KDM2A: variants seen among roughly 807,000 people sequenced by gnomAD.
KDM2A encodes the protein lysine-specific demethylase 2A.
KDM2A carries 3 observed loss-of-function variants against 137.3 expected under a neutral mutation model. The observed-to-expected ratio is 0.02, with a 90% CI of 0.01 to 0.06. The LOEUF is 0.06. Ranked by LOEUF, KDM2A falls within the 10% of genes least tolerant of loss-of-function variation. The probability of loss-of-function intolerance (pLI) is 1.00; values close to 1 mark genes in which losing one functional copy is unlikely to be tolerated. For missense variants in KDM2A, 738 were observed against 1,510.6 expected, an observed-to-expected ratio of 0.49 and a Z score of 8.48; for synonymous variants, 512 against 541.5, an observed-to-expected ratio of 0.95 and a Z score of 0.76.
At chr11:67,169,266 C>G (rs866470714) in intron 2 of KDM2A, among the ~76,000 whole-genome samples, 1 of 151,380 alleles carries the variant, frequency 6.6e-6, no homozygotes, top group Non-Finnish European at 1.5e-5. Flanking sequence ...ATCCATGTAG[C>G]TTTATATAAC....
intron 5 of KDM2A, among the ~76,000 whole-genome samples, chr11:67,204,324 C>G (rs1004692175): frequency 3.3e-5 from 5 of 152,088 alleles, no homozygotes; most frequent in African/African-American, 1.2e-4. Flanking sequence ...CCCAAACAAA[C>G]TCCATACCTT....
At chr11:67,248,395 A>G in intron 16 of KDM2A, 25 bp downstream of exon 16, 1 of 1,525,716 alleles carries the variant, frequency 6.6e-7, no homozygotes. Context: ...TCAGATTTGC[A>G]CTGTGACAGA....
chr11:67,189,558 G>T (rs1857295069), intron 5 of KDM2A, among the ~76,000 whole-genome samples: 1 of 152,052 alleles, frequency 6.6e-6, no homozygotes, highest in Non-Finnish European at 1.5e-5. Flanking sequence ...ACCTTATCTC[G>T]GCCGGGCGAG....
chr11:67,244,945 C>T, intron 13 of KDM2A: 1 of 440,584 alleles, frequency 2.3e-6, no homozygotes. Context: ...GAGATCATGC[C>T]ACTGTATTCC....
intron 5 of KDM2A, among the ~76,000 whole-genome samples, chr11:67,187,580 A>G (rs1300398610): frequency 6.6e-6 from 1 of 151,024 alleles, no homozygotes; most frequent in Non-Finnish European, 1.5e-5. Context: ...TTATTTATTT[A>G]TTTATTTATT....
intron 12 of KDM2A, among the ~76,000 whole-genome samples, chr11:67,233,381 C>T (rs1232504649): frequency 2.8e-5 from 4 of 143,526 alleles, no homozygotes; most frequent in Non-Finnish European, 6.1e-5. Flanking sequence ...AGGCTCAGTG[C>T]GATGTCTCAT....
intron 10 of KDM2A, among the ~76,000 whole-genome samples, chr11:67,226,256 C>CA (rs1241856313): frequency 2.5e-4 from 37 of 146,500 alleles, no homozygotes; most frequent in Non-Finnish European, 3.8e-4. Flanking sequence ...GATTCCATCT[C>CA]AAAAAAAAAA....
intron 12 of KDM2A, among the ~76,000 whole-genome samples, chr11:67,241,751 G>A (rs1859049022): frequency 6.6e-6 from 1 of 152,144 alleles, no homozygotes; most frequent in Admixed American, 6.5e-5. Flanking sequence ...TAGAAGATTT[G>A]GGTTTCAGGA....
chr11:67,171,051 T>A (rs1264796145), intron 2 of KDM2A, among the ~76,000 whole-genome samples: 3 of 152,214 alleles, frequency 2.0e-5, no homozygotes, highest in Non-Finnish European at 4.4e-5. Context: ...TTTAAATATA[T>A]TAATACATGC....
At chr11:67,126,819 G>A (rs1855742722) in intron 2 of KDM2A, among the ~76,000 whole-genome samples, 1 of 151,608 alleles carries the variant, frequency 6.6e-6, no homozygotes, top group Admixed American at 6.6e-5. Flanking sequence ...TGGAATATAA[G>A]CTACACTTTC....
At chr11:67,205,524 C>T (rs913718016) in intron 5 of KDM2A, among the ~76,000 whole-genome samples, 3 of 151,986 alleles carry the variant, frequency 2.0e-5, no homozygotes, top group African/African-American at 7.3e-5. Flanking sequence ...ACCTCCTGGG[C>T]TCAGGTGATT....
At chr11:67,154,658 C>G (rs182089219) in intron 2 of KDM2A, among the ~76,000 whole-genome samples, 1 of 151,976 alleles carries the variant, frequency 6.6e-6, no homozygotes, top group African/African-American at 2.4e-5. Context: ...AGGCTAGTCT[C>G]GAACTCTTGG....
chr11:67,193,456 T>C (rs931642658), intron 5 of KDM2A, among the ~76,000 whole-genome samples: 11 of 152,224 alleles, frequency 7.2e-5, no homozygotes, highest in Non-Finnish European at 1.2e-4. Context: ...GTTATCACTT[T>C]CTCATAGTGA....
chr11:67,158,146 C>T lies in KDM2A; in HGVS notation c.43-21933C>T, dbSNP rs142319176. On this transcript the variant is annotated intron_variant, in intron 2 of 20. Coordinates refer to ENST00000529006, the MANE Select transcript of KDM2A (RefSeq NM_012308.3). ...ACACCAGCAACTACGGATCTTTTTG[C>T]TGTCTGTAGTTTTGCCCTTTCTAAA... Among the ~76,000 whole-genome samples, 38 of 151,858 alleles carry T rather than the reference C, an allele frequency of 2.5e-4. No individual in the cohort carries two copies. The East Asian group carries it at 6.2e-3, about 25-fold the overall frequency.
In KDM2A at chr11:67,180,126, T is replaced by C. The variant is rs779138795; in HGVS notation, c.90T>C (p.Asp30=). 12 of 1,613,878 alleles carry C rather than the reference T, an allele frequency of 7.4e-6. No homozygotes were observed. The highest frequency in any genetic ancestry group is 2.7e-5 in the African/African-American group (2 of 75,016). ...RRYEDDGISD[D]EIEGKRTFDL... The stretch of plus-strand genomic sequence containing the variant: ...ATGAAGATGATGGCATTTCAGATGA[T>C]GAAATTGAAGGAAAAAGAACTTTTG... Residue 30 remains aspartate (D), a synonymous_variant, in exon 3 of 21, where the codon GAT becomes GAC. Transcript: ENST00000529006.
chr11:67,244,848 TG>T (rs1383424116), intron 13 of KDM2A, among the ~76,000 whole-genome samples: 1 of 152,010 alleles, frequency 6.6e-6, no homozygotes, highest in East Asian at 1.9e-4. Flanking sequence ...TAGCTGGGCA[TG>T]GTGGTGGGCA....
At chr11:67,168,559 C>G (rs1310429872) in intron 2 of KDM2A, among the ~76,000 whole-genome samples, 7 of 80,780 alleles carry the variant, frequency 8.7e-5, no homozygotes, top group Non-Finnish European at 4.9e-5. Context: ...CACACACACA[C>G]ACACACAGTC....
rs1859501499 is a variant in KDM2A, at chr11:67,253,457, G to A, written c.2937G>A (p.Leu979=). 1.9e-6 allele frequency: 3 copies of A among 1,613,400 alleles called. No homozygotes were observed. Among genetic ancestry groups the A allele is most frequent in the Non-Finnish European group, 1.7e-6 (2 of 1,179,574 alleles). The change falls in exon 19 of 21, where the codon CTG becomes CTA. Residue 979 remains leucine, a synonymous_variant. Coordinates refer to ENST00000529006, the MANE Select transcript of KDM2A (RefSeq NM_012308.3). ...GTCTCATTCCATCCATTGCAGGACT[G>A]AAAGACCTCCTCCTAGCAGGCTGCT... is the stretch of plus-strand genomic sequence containing the variant. ...LTWLVNRLPG[L]KDLLLAGCSW...
intron 5 of KDM2A, among the ~76,000 whole-genome samples, chr11:67,191,960 CAT>C (rs1477737640): frequency 2.6e-5 from 4 of 152,292 alleles, no homozygotes; most frequent in Admixed American, 1.3e-4. Flanking sequence ...TTCCTTCTAT[CAT>C]GTGCATCTTT....
Sources: gnomAD v4.1 joint callset for allele counts (sites outside exome capture counted in the v4.1 genomes callset) on GRCh38, gnomAD v4.1.1 for gene constraint, MANE v1.5 for transcripts, NCBI Gene and HGNC (gene_info 2026-07-23, HGNC 2026-07-21) for gene names.